Variants in RASGRP1 observed in about 807,000 individuals in gnomAD.
RASGRP1 encodes RAS guanyl-releasing protein 1.
RASGRP1 carries 37 observed loss-of-function variants against 95.1 expected under a neutral mutation model. That is an observed-to-expected ratio of 0.39 (90% confidence interval 0.30 to 0.51). RASGRP1 has a LOEUF of 0.51. Among genes scored for constraint, RASGRP1 ranks in the 20% least tolerant of loss-of-function variants. The pLI, the probability that RASGRP1 is intolerant of heterozygous loss-of-function variation, is 0.80. For synonymous variants in RASGRP1, 325 were observed against 353.4 expected, an observed-to-expected ratio of 0.92 and a Z score of 0.90; for missense variants, 711 against 965.4, an observed-to-expected ratio of 0.74 and a Z score of 3.49.
intron 16 of RASGRP1, among the ~76,000 whole-genome samples, chr15:38,494,112 G>A (rs942781812): frequency 6.6e-6 from 1 of 152,322 alleles, no homozygotes; most frequent in African/African-American, 2.4e-5. Flanking sequence ...CACCTGTGTG[G>A]TGATAGGGAG....
chr15:38,535,502 C>A (rs554389133), intron 2 of RASGRP1, among the ~76,000 whole-genome samples: 1 of 152,278 alleles, frequency 6.6e-6, no homozygotes, highest in Non-Finnish European at 1.5e-5. Flanking sequence ...CTATTATTGG[C>A]ACCATTTACT....
Position 38,507,912 on chromosome 15 carries a change from G to T in RASGRP1, c.1056C>A (p.Ile352=). 1 of 1,613,502 alleles carries T rather than the reference G, an allele frequency of 6.2e-7. No homozygotes were observed. The highest frequency in any genetic ancestry group is 8.5e-7 in the Non-Finnish European group (1 of 1,179,754). ...RAYGECTDFK[I]PILGVHLKDL... is the part of the protein sequence containing the mutation. ...CCTTGAGATGCACACCCAGAATGGG[G>T]ATCTTGAAGTCGGTGCACTCTCCAT... is the stretch of plus-strand genomic sequence containing the variant. The change falls in exon 9 of 17, where the codon ATC becomes ATA. Residue 352 remains isoleucine (I), a synonymous_variant. Transcript: ENST00000310803.
intron 2 of RASGRP1, among the ~76,000 whole-genome samples, chr15:38,542,147 C>T (rs1892890173): frequency 6.6e-6 from 1 of 152,112 alleles, no homozygotes; most frequent in African/African-American, 2.4e-5. Context: ...TAAGCTGATA[C>T]TGTCACTGCA....
intron 11 of RASGRP1, 182 bp downstream of exon 11, chr15:38,503,090 G>T (rs1382549148): frequency 1.8e-5 from 11 of 604,826 alleles, no homozygotes; most frequent in Non-Finnish European, 2.4e-5. Context: ...CTTCATATGA[G>T]TCCAGTGTGT....
intron 6 of RASGRP1, among the ~76,000 whole-genome samples, chr15:38,513,221 C>T (rs1891612886): frequency 6.6e-6 from 1 of 152,148 alleles, no homozygotes; most frequent in Non-Finnish European, 1.5e-5. Flanking sequence ...ATTAGTTAAT[C>T]CAAATGCTGT....
At chr15:38,561,936 C>T (rs370874244) in intron 1 of RASGRP1, among the ~76,000 whole-genome samples, 3 of 152,238 alleles carry the variant, frequency 2.0e-5, no homozygotes, top group Non-Finnish European at 4.4e-5. Flanking sequence ...TGGCAGGTAC[C>T]GTGCTGGGGA....
intron 2 of RASGRP1, among the ~76,000 whole-genome samples, chr15:38,535,172 A>G (rs1892595821): frequency 1.3e-5 from 2 of 152,334 alleles, no homozygotes; most frequent in Non-Finnish European, 2.9e-5. Flanking sequence ...AACATGCCTC[A>G]GCCATGGTGA....
intron 3 of RASGRP1, among the ~76,000 whole-genome samples, chr15:38,524,949 C>T (rs4583194): frequency 0.29 from 43,338 of 147,950 alleles, 6,346 homozygotes; most frequent in Middle Eastern, 0.31. Flanking sequence ...AGGGCAGGAA[C>T]CCCGAGGTAC....
intron 2 of RASGRP1, among the ~76,000 whole-genome samples, chr15:38,527,742 G>A (rs114023617): frequency 0.016 from 2,467 of 152,114 alleles, 70 homozygotes; most frequent in African/African-American, 0.056. Flanking sequence ...GTGCTTTTGG[G>A]CTCAGGATTC....
chr15:38,539,101 A>C (rs1892769674), intron 2 of RASGRP1, among the ~76,000 whole-genome samples: 1 of 152,184 alleles, frequency 6.6e-6, no homozygotes, highest in African/African-American at 2.4e-5. Context: ...TGACTTGCCT[A>C]AAGTCACCCA....
chr15:38,559,693 A>G, intron 2 of RASGRP1, 128 bp downstream of exon 2: 1 of 1,013,256 alleles, frequency 9.9e-7, no homozygotes, highest in Non-Finnish European at 1.4e-6. Flanking sequence ...TGTCTCCAAC[A>G]TTTCAAAGGC....
At chr15:38,528,232 G>A (rs536646036) in intron 2 of RASGRP1, among the ~76,000 whole-genome samples, 88 of 152,040 alleles carry the variant, frequency 5.8e-4, no homozygotes, top group South Asian at 1.0e-3. Context: ...ATATGCCTCT[G>A]CATCTCCAAT....
intron 3 of RASGRP1, among the ~76,000 whole-genome samples, chr15:38,520,376 T>C (rs1891955683): frequency 1.3e-5 from 2 of 152,228 alleles, no homozygotes; most frequent in African/African-American, 2.4e-5. Flanking sequence ...TGTGGGTGTA[T>C]ATATTTTAAC....
intron 15 of RASGRP1, among the ~76,000 whole-genome samples, chr15:38,495,355 A>G (rs1387884254): frequency 6.6e-6 from 1 of 152,210 alleles, no homozygotes; most frequent in African/African-American, 2.4e-5. Flanking sequence ...AAGACCCACT[A>G]CCCAGGATCC....
chr15:38,543,197 GA>G (rs1380513864), intron 2 of RASGRP1, among the ~76,000 whole-genome samples: 9 of 151,976 alleles, frequency 5.9e-5, no homozygotes, highest in African/African-American at 1.7e-4. Context: ...TACATCATTT[GA>G]TTCATCTCAT....
At chr15:38,526,568 A>G (rs1466149394) in intron 2 of RASGRP1, among the ~76,000 whole-genome samples, 164 bp from the exon 3 acceptor site, 2 of 152,008 alleles carry the variant, frequency 1.3e-5, no homozygotes, top group African/African-American at 4.8e-5. Context: ...TCCTCCTGCT[A>G]CATTCTTCCC....
chr15:38,539,018 G>A (rs1199711335), intron 2 of RASGRP1, among the ~76,000 whole-genome samples: 1 of 152,112 alleles, frequency 6.6e-6, no homozygotes, highest in African/African-American at 2.4e-5. Context: ...TGCCTCATCT[G>A]AGCCTCACAA....
Position 38,502,989 on chromosome 15 carries a change from A to G in RASGRP1, c.1428+283T>C, listed in dbSNP as rs936726752. On this transcript the variant is annotated intron_variant, in intron 11 of 16. Transcript: ENST00000310803. ...ACCTGATTACCCCTTACTATACTCA[A>G]ATGCATCCCAATACTTCTGTACTCC... 41 of 470,894 alleles carry G rather than the reference A, an allele frequency of 8.7e-5. No individual in the cohort carries two copies. In the Middle Eastern group the frequency reaches 1.6e-3, roughly 19 times the overall value. 29.2% of individuals were successfully genotyped at this position (470,894 alleles called of 1,614,324 possible).
chr15:38,515,037 T>C (rs1277702019), intron 6 of RASGRP1, among the ~76,000 whole-genome samples: 2 of 152,190 alleles, frequency 1.3e-5, no homozygotes, highest in Admixed American at 6.5e-5. Context: ...AAATGGAAGC[T>C]GGGAGCTTCC....
Sources: gnomAD v4.1 joint callset for allele counts (sites outside exome capture counted in the v4.1 genomes callset) on GRCh38, gnomAD v4.1.1 for gene constraint, MANE v1.5 for transcripts, NCBI Gene and HGNC (gene_info 2026-07-23, HGNC 2026-07-21) for gene names.